Variants in HCN1 observed in about 807,000 individuals in gnomAD.
HCN1 encodes the protein potassium/sodium hyperpolarization-activated cyclic nucleotide-gated channel 1.
In HCN1, 13 loss-of-function variants were observed where a neutral mutation model predicts 78.9. The observed-to-expected ratio is 0.16, with a 90% CI of 0.11 to 0.26. The LOEUF is 0.26. Among genes scored for constraint, HCN1 ranks in the 10% least tolerant of loss-of-function variants. The pLI, the probability that HCN1 is intolerant of heterozygous loss-of-function variation, is 1.00. For missense variants in HCN1, 810 were observed against 1,154.3 expected (o/e 0.70, Z 4.32); for synonymous variants, 552 against 455.5 (o/e 1.21, Z -2.70).
intron 1 of HCN1, among the ~76,000 whole-genome samples, chr5:45,654,191 A>C (rs1745727592): frequency 6.6e-6 from 1 of 152,084 alleles, no homozygotes; most frequent in African/African-American, 2.4e-5. Flanking sequence ...CCCATGAATT[A>C]TATTTCTGTA....
At chr5:45,554,332 A>G (rs913586165) in intron 2 of HCN1, among the ~76,000 whole-genome samples, 7 of 151,862 alleles carry the variant, frequency 4.6e-5, no homozygotes, top group African/African-American at 1.7e-4. Context: ...AAGTTCCCTT[A>G]TAATCCAAAT....
intron 1 of HCN1, among the ~76,000 whole-genome samples, chr5:45,654,921 A>G (rs1022547621): frequency 1.3e-5 from 2 of 152,094 alleles, no homozygotes; most frequent in Admixed American, 6.6e-5. Context: ...CAAATCATCC[A>G]GTTTATTTTT....
At chr5:45,617,642 C>T (rs1744980484) in intron 2 of HCN1, among the ~76,000 whole-genome samples, 1 of 152,082 alleles carries the variant, frequency 6.6e-6, no homozygotes, top group Non-Finnish European at 1.5e-5. Flanking sequence ...ATTTCTGCCA[C>T]AGCCTTAATT....
intron 3 of HCN1, among the ~76,000 whole-genome samples, chr5:45,460,111 C>T (rs1741115241): frequency 6.6e-6 from 1 of 152,116 alleles, no homozygotes; most frequent in Non-Finnish European, 1.5e-5. Context: ...CTATTCTAGG[C>T]ACTTTCTATG....
Position 45,265,467 on chromosome 5 carries a change from A to G in HCN1, c.1783+1622T>C, listed in dbSNP as rs113689530. The stretch of plus-strand genomic sequence containing the variant: ...CTCCCTGAATGAGTAGGTCTTGTTA[A>G]ATCTCTAAGATTTCAATATGAATTT... On this transcript the variant is annotated intron_variant, in intron 7 of 7. Coordinates refer to ENST00000303230, the MANE Select transcript of HCN1 (RefSeq NM_021072.4). Among the ~76,000 whole-genome samples the G allele has an allele frequency of 7.2e-3, 1,101 of 152,254 alleles. 10 individuals are homozygous for G. Among genetic ancestry groups the G allele is most frequent in the African/African-American group, 0.026 (1,061 of 41,548 alleles).
At chr5:45,383,078 G>A (rs1418134550) in intron 4 of HCN1, among the ~76,000 whole-genome samples, 41 of 152,170 alleles carry the variant, frequency 2.7e-4, no homozygotes. Flanking sequence ...TATTAGAGAT[G>A]AAGAAAATGA....
chr5:45,266,700 T>A (rs1744864515), intron 7 of HCN1, among the ~76,000 whole-genome samples: 1 of 150,616 alleles, frequency 6.6e-6, no homozygotes, highest in Non-Finnish European at 1.5e-5. Context: ...AACTGGCATG[T>A]GGGATTTTTT....
intron 1 of HCN1, among the ~76,000 whole-genome samples, chr5:45,679,449 TC>T (rs1739660748): frequency 6.6e-6 from 1 of 152,002 alleles, no homozygotes; most frequent in Non-Finnish European, 1.5e-5. Flanking sequence ...CAGGAAATCG[TC>T]CCCCAGCTAA....
chr5:45,578,994 T>G (rs1055491780), intron 2 of HCN1, among the ~76,000 whole-genome samples: 1 of 152,056 alleles, frequency 6.6e-6, no homozygotes, highest in Non-Finnish European at 1.5e-5. Flanking sequence ...CATCGTTATC[T>G]CATGACATTT....
At chr5:45,351,059 C>T (rs368208426) in intron 5 of HCN1, among the ~76,000 whole-genome samples, 20 of 152,086 alleles carry the variant, frequency 1.3e-4, no homozygotes, top group Admixed American at 1.2e-3. Flanking sequence ...AAAGAGCCCG[C>T]ATCACCAAGT....
chr5:45,296,558 C>T (rs1745498543), intron 6 of HCN1, among the ~76,000 whole-genome samples: 1 of 151,582 alleles, frequency 6.6e-6, no homozygotes, highest in African/African-American at 2.4e-5. Context: ...TCCATCTTAG[C>T]AAAATAGACT....
intron 4 of HCN1, among the ~76,000 whole-genome samples, chr5:45,368,682 C>A (rs1211773148): frequency 6.7e-6 from 1 of 150,312 alleles, no homozygotes; most frequent in Admixed American, 6.7e-5. Flanking sequence ...GCATCCAAAG[C>A]TGAAATCCTT....
Position 45,329,085 on chromosome 5 carries a change from A to G in HCN1, c.1377+24015T>C, listed in dbSNP as rs192732515. On this transcript the variant is annotated intron_variant, in intron 5 of 7. Transcript: ENST00000303230. ...GAAAATAGATTCAAGATTGGGTGCC[A>G]TTTTCTAAGACTATTTTCAAAAAAC... is the stretch of plus-strand genomic sequence containing the variant. Among the ~76,000 whole-genome samples the G allele has an allele frequency of 2.0e-4, 30 of 151,658 alleles. No individual in the cohort carries two copies. The East Asian group carries it at 5.6e-3, about 29-fold the overall frequency.
Position 45,450,034 on chromosome 5 carries a change from T to C in HCN1, c.1011+11812A>G, listed in dbSNP as rs532668694. Reference sequence around the variant, plus strand: ...TTTTAGAAGAGACGAGGTTTCACCATGTTAGCCAGGATGGTCTCAATCTCC... The same window carrying C: ...TTTTAGAAGAGACGAGGTTTCACCACGTTAGCCAGGATGGTCTCAATCTCC... On this transcript the variant is annotated intron_variant, in intron 3 of 7. Transcript: ENST00000303230. Among the ~76,000 whole-genome samples the C allele has an allele frequency of 2.1e-4, 32 of 152,286 alleles. No individual in the cohort carries two copies. The South Asian group carries it at 6.4e-3, about 31-fold the overall frequency.
intron 5 of HCN1, among the ~76,000 whole-genome samples, chr5:45,349,434 T>A (rs995298768): frequency 1.4e-4 from 21 of 151,862 alleles, no homozygotes; most frequent in Non-Finnish European, 2.8e-4. Context: ...AAGATCCAAA[T>A]TTGACACCCT....
rs577392237 is a variant in HCN1, at chr5:45,496,755, T to C, written c.850-34748A>G. Reference sequence around the variant, plus strand: ...TTCTTGCCTTCTGCTAGCTTTTGAATGTGTTGCTCTTGCTTTTCTAGTTCT... The same window carrying C: ...TTCTTGCCTTCTGCTAGCTTTTGAACGTGTTGCTCTTGCTTTTCTAGTTCT... On this transcript the variant is annotated intron_variant, in intron 2 of 7. Transcript: ENST00000303230. 2.0e-5 allele frequency among the ~76,000 whole-genome samples: 3 copies of C among 152,314 alleles called. No homozygotes were observed. The East Asian group carries it at 5.8e-4, about 29-fold the overall frequency.
chr5:45,524,947 G>C (rs1742700886), intron 2 of HCN1, among the ~76,000 whole-genome samples: 1 of 152,084 alleles, frequency 6.6e-6, no homozygotes, highest in Admixed American at 6.6e-5. Context: ...GTTTTCAAAG[G>C]GAATGCTTCC....
chr5:45,486,114 C>G (rs77736385), intron 2 of HCN1, among the ~76,000 whole-genome samples: 1 of 152,082 alleles, frequency 6.6e-6, no homozygotes, highest in African/African-American at 2.4e-5. Context: ...CTTTGGAGAT[C>G]ATGTTCTAGG....
intron 2 of HCN1, among the ~76,000 whole-genome samples, chr5:45,547,466 G>A (rs961984180): frequency 6.6e-5 from 10 of 151,888 alleles, no homozygotes; most frequent in Non-Finnish European, 1.5e-4. Context: ...TTTAATACTA[G>A]CGGAGAGAGT....
Sources: allele counts gnomAD v4.1 joint callset (sites outside exome capture counted in the v4.1 genomes callset), GRCh38; gene constraint gnomAD v4.1.1; transcripts MANE v1.5; gene names NCBI Gene and HGNC (gene_info 2026-07-23, HGNC 2026-07-21).